Variants in FGD6 observed in about 807,000 individuals in gnomAD.
The protein encoded by FGD6 is FYVE, RhoGEF and PH domain-containing protein 6.
A neutral mutation model predicts 149.4 loss-of-function variants in FGD6; 90 were observed. The ratio of observed to expected loss-of-function variants is 0.60; its 90% CI spans 0.51 to 0.72. FGD6 has a LOEUF of 0.72. FGD6 is among the 30% of genes least tolerant of loss of function. FGD6 has a pLI of 0.00. For missense variants in FGD6, 1,437 were observed against 1,684.8 expected (o/e 0.85, Z 2.57); for synonymous variants, 527 against 584.0 (o/e 0.90, Z 1.41).
intron 5 of FGD6, among the ~76,000 whole-genome samples, chr12:95,143,722 A>C (rs919192952): frequency 2.6e-5 from 4 of 152,226 alleles, no homozygotes; most frequent in African/African-American, 9.6e-5. Context: ...TTTGAAAATC[A>C]TTAGGCTGTC....
intron 3 of FGD6, among the ~76,000 whole-genome samples, chr12:95,156,567 C>T (rs186274832): frequency 0.01 from 1,551 of 151,586 alleles, 11 homozygotes; most frequent in South Asian, 0.017. Context: ...AATTTCGCCC[C>T]GTCCTGTGGT....
intron 2 of FGD6, among the ~76,000 whole-genome samples, chr12:95,199,773 T>C (rs1162302018): frequency 6.6e-6 from 1 of 152,070 alleles, no homozygotes; most frequent in Non-Finnish European, 1.5e-5. Context: ...CCCAGCTAAT[T>C]TTTGTATTTT....
rs922303252 is a variant in FGD6 at position 95,115,252 on chromosome 12, A to G, written c.3083-1551T>C. Among the ~76,000 whole-genome samples, 12 of 152,318 alleles carry G rather than the reference A, an allele frequency of 7.9e-5. No individual in the cohort carries two copies. The East Asian group carries it at 1.4e-3, about 17-fold the overall frequency. ...CTGAATAAAAACAGTTCACTTACTC[A>G]TTCAAGACAGAGTCTCACCCTGTCG... On this transcript the variant is annotated intron_variant, in intron 8 of 20. Coordinates refer to ENST00000343958, the MANE Select transcript of FGD6 (RefSeq NM_018351.4).
intron 15 of FGD6, 78 bp from the exon 16 acceptor site, chr12:95,092,923 C>T (rs929169468): frequency 3.3e-6 from 5 of 1,494,740 alleles, no homozygotes; most frequent in Middle Eastern, 3.4e-4. Context: ...TCTCACACTA[C>T]CAAGATGGGG....
intron 2 of FGD6, among the ~76,000 whole-genome samples, chr12:95,178,673 T>A (rs1462616692): frequency 5.9e-5 from 9 of 152,214 alleles, no homozygotes; most frequent in Non-Finnish European, 1.2e-4. Flanking sequence ...TAAAAATTAA[T>A]GATTTTATTA....
chr12:95,211,260 CTTT>C lies in FGD6; in HGVS notation c.21_23del (p.Ile7_Lys8delinsMet), dbSNP rs1272963632. 1 of 1,564,926 alleles carries C rather than the reference CTTT, an allele frequency of 6.4e-7. No individual in the cohort carries two copies. Among genetic ancestry groups the C allele is most frequent in the Non-Finnish European group, 8.6e-7 (1 of 1,163,818 alleles). Reference sequence around the variant, plus strand: ...TGGGCTTGGGGGCCACTGGTGGCTTCTTTATCTCTAGAAAGGAAAAAATAATAA... The same window carrying C: ...TGGGCTTGGGGGCCACTGGTGGCTTCATCTCTAGAAAGGAAAAAATAATAA... On this transcript the variant is annotated inframe_deletion, in exon 2 of 21. Coordinates refer to ENST00000343958, the MANE Select transcript of FGD6 (RefSeq NM_018351.4).
intron 2 of FGD6, among the ~76,000 whole-genome samples, chr12:95,174,611 A>G (rs928941329): frequency 1.3e-5 from 2 of 152,182 alleles, no homozygotes; most frequent in African/African-American, 4.8e-5. Context: ...AGTTAGTAAT[A>G]GGGCTGTGGC....
chr12:95,191,531 A>T (rs1045291804), intron 2 of FGD6, among the ~76,000 whole-genome samples: 3 of 152,174 alleles, frequency 2.0e-5, no homozygotes, highest in African/African-American at 7.2e-5. Context: ...AGATGTGACT[A>T]CTTAATTTGT....
At chr12:95,149,453 AGT>A in intron 5 of FGD6, among the ~76,000 whole-genome samples, 1 of 131,624 alleles carries the variant, frequency 7.6e-6, no homozygotes, top group Admixed American at 9.5e-5. Flanking sequence ...TATAATACAT[AGT>A]ATATTATACA....
intron 2 of FGD6, among the ~76,000 whole-genome samples, chr12:95,202,293 A>G (rs543419983): frequency 4.7e-4 from 71 of 152,112 alleles, no homozygotes; most frequent in African/African-American, 1.7e-3. Context: ...AGGCTGAGGC[A>G]GGAGAATCTC....
chr12:95,212,459 A>C (rs1398739709), intron 1 of FGD6, among the ~76,000 whole-genome samples: 2 of 152,254 alleles, frequency 1.3e-5, no homozygotes, highest in Non-Finnish European at 2.9e-5. Context: ...AAAGCTTTAC[A>C]CAACAGACCT....
intron 17 of FGD6, among the ~76,000 whole-genome samples, chr12:95,091,229 G>A (rs2136233354): frequency 6.6e-6 from 1 of 152,312 alleles, no homozygotes; most frequent in East Asian, 1.9e-4. Context: ...ATAATGAGCA[G>A]GGAAATAGGA....
rs1879331239 is a variant in FGD6 at position 95,126,119 on chromosome 12, C to G, written c.3082+8620G>C. The G allele has an allele frequency of 6.7e-6, 7 of 1,040,668 alleles. No homozygotes were observed. In the South Asian group the frequency reaches 8.9e-5, roughly 13 times the overall value. The allele number at this position is 1,040,668 out of a possible 1,614,324, so 64.5% of individuals were successfully genotyped here. A position where few individuals can be genotyped will look rare whatever the true frequency, so the allele number is the denominator to read the frequency against. On this transcript the variant is annotated intron_variant, in intron 8 of 20. Coordinates refer to ENST00000343958, the MANE Select transcript of FGD6 (RefSeq NM_018351.4). ...TTATGAAGGCAAAGAAAATGAGGGA[C>G]AGAATAATCAAGAATGAAGTTAACA...
intron 2 of FGD6, among the ~76,000 whole-genome samples, chr12:95,188,450 G>C (rs1184187117): frequency 2.0e-5 from 3 of 152,232 alleles, no homozygotes. Context: ...TTCCTGCCCT[G>C]GGGAAAATGG....
intron 2 of FGD6, among the ~76,000 whole-genome samples, chr12:95,173,339 C>T (rs550043964): frequency 2.0e-5 from 3 of 152,186 alleles, no homozygotes; most frequent in Non-Finnish European, 4.4e-5. Context: ...ATTAGAACTA[C>T]GAGGGGCCCA....
intron 3 of FGD6, among the ~76,000 whole-genome samples, chr12:95,171,398 G>C (rs1880983288): frequency 6.6e-6 from 1 of 152,036 alleles, no homozygotes; most frequent in Non-Finnish European, 1.5e-5. Context: ...AACATTCCTG[G>C]GGATATTGTT....
intron 2 of FGD6, among the ~76,000 whole-genome samples, chr12:95,207,967 T>A (rs980450531): frequency 2.6e-5 from 4 of 152,044 alleles, no homozygotes; most frequent in African/African-American, 4.8e-5. Context: ...AAGTGAGAAA[T>A]AGGCCCAGTG....
At chr12:95,158,899 A>T (rs1160810143) in intron 3 of FGD6, among the ~76,000 whole-genome samples, 4 of 151,998 alleles carry the variant, frequency 2.6e-5, no homozygotes, top group African/African-American at 9.7e-5. Context: ...AAATAAAATT[A>T]AAATTACAAA....
intron 14 of FGD6, chr12:95,100,955 G>T: frequency 2.7e-6 from 1 of 370,734 alleles, no homozygotes; most frequent in South Asian, 2.5e-5. Flanking sequence ...ACCACTGGCA[G>T]GAACTTGGAT....
Sources: allele counts gnomAD v4.1 joint callset (sites outside exome capture counted in the v4.1 genomes callset), GRCh38; gene constraint gnomAD v4.1.1; transcripts MANE v1.5; gene names NCBI Gene and HGNC (gene_info 2026-07-23, HGNC 2026-07-21).